NSUN2: variants seen among roughly 807,000 people sequenced by gnomAD.
NSUN2 encodes NOP2/Sun RNA methyltransferase 2, also known as RNA cytosine C(5)-methyltransferase NSUN2.
In NSUN2, 63 loss-of-function variants were observed where a neutral mutation model predicts 92.7. That is an observed-to-expected ratio of 0.68 (90% CI 0.56 to 0.84). The LOEUF (loss-of-function observed/expected upper bound fraction) is 0.84, where lower values mean the gene tolerates loss of function less well. Among genes scored for constraint, NSUN2 ranks in the 40% least tolerant of loss-of-function variants. The pLI is 0.00. For synonymous variants in NSUN2, 356 were observed against 348.3 expected, an observed-to-expected ratio of 1.02 and a Z score of -0.25; for missense variants, 989 against 964.9, an observed-to-expected ratio of 1.02 and a Z score of -0.33.
At chr5:6,622,676 C>T (rs113247673) in intron 5 of NSUN2, among the ~76,000 whole-genome samples, 16,107 of 151,944 alleles carry the variant, frequency 0.11, 1,166 homozygotes, top group African/African-American at 0.2. Flanking sequence ...GGAGAAACCC[C>T]GTCTCTACTA....
intron 5 of NSUN2, 69 bp from the exon 6 acceptor site, chr5:6,622,169 A>T: frequency 7.9e-7 from 1 of 1,271,672 alleles, no homozygotes; most frequent in Non-Finnish European, 1.1e-6. Context: ...ATTTAAAGCA[A>T]TTCTAGTTTT....
chr5:6,609,743 G>A, intron 12 of NSUN2, 83 bp downstream of exon 12: 2 of 1,068,904 alleles, frequency 1.9e-6, no homozygotes, highest in Non-Finnish European at 1.4e-6. Context: ...TCTTTCCTCT[G>A]TACTTCTACT....
In NSUN2 at chr5:6,632,865, G is replaced by A. The variant is rs771009126; in HGVS notation, c.96+19C>T. ...CCCAGGAGGAGCCCCTGGCCCGCCC[G>A]CCGGGTCCCGGCTCCTACCGCCTCG... is the stretch of plus-strand genomic sequence containing the variant. On this transcript the variant is annotated intron_variant, in intron 1 of 18. Coordinates refer to ENST00000264670, the MANE Select transcript of NSUN2 (RefSeq NM_017755.6). 35 of 1,535,656 alleles carry A rather than the reference G, an allele frequency of 2.3e-5. No homozygotes were observed. Among genetic ancestry groups the A allele is most frequent in the Admixed American group, 5.9e-5 (3 of 50,688 alleles).
chr5:6,607,441 C>A (rs998867849), intron 12 of NSUN2, 57 bp from the exon 13 acceptor site: 13 of 1,460,008 alleles, frequency 8.9e-6, no homozygotes, highest in South Asian at 4.1e-5. Context: ...TGTGCTGCTA[C>A]GAAAAGTTAA....
At chr5:6,610,367 T>C (rs1252071187) in intron 11 of NSUN2, among the ~76,000 whole-genome samples, 66 of 150,676 alleles carry the variant, frequency 4.4e-4, no homozygotes, top group Non-Finnish European at 3.0e-5. Context: ...ATTGGGCCAC[T>C]GCACCTGGCC....
intron 11 of NSUN2, 124 bp from the exon 12 acceptor site, chr5:6,610,046 G>T (rs956846666): frequency 3.5e-5 from 22 of 624,086 alleles, no homozygotes; most frequent in Non-Finnish European, 5.2e-5. Context: ...CTCATAGAAT[G>T]GCCAATATGT....
At chr5:6,616,922 C>A in intron 8 of NSUN2, 65 bp from the exon 9 acceptor site, 1 of 1,417,676 alleles carries the variant, frequency 7.1e-7, no homozygotes, top group Non-Finnish European at 9.6e-7. Flanking sequence ...ATTAGAAGCA[C>A]CTCCTTATGT....
intron 7 of NSUN2, 87 bp downstream of exon 7, chr5:6,620,019 G>T: frequency 8.6e-7 from 1 of 1,159,578 alleles, no homozygotes; most frequent in Non-Finnish European, 1.2e-6. Context: ...GTACAATTGT[G>T]TCATATTCAT....
chr5:6,603,621 C>T (rs535786409), intron 17 of NSUN2, among the ~76,000 whole-genome samples: 3 of 152,236 alleles, frequency 2.0e-5, no homozygotes, highest in Non-Finnish European at 2.9e-5. Flanking sequence ...ACCTGGGAGG[C>T]GGAGCTTGCA....
chr5:6,606,266 T>C (rs1736765282), intron 14 of NSUN2, among the ~76,000 whole-genome samples: 1 of 152,158 alleles, frequency 6.6e-6, no homozygotes. Flanking sequence ...CTAATTTAGA[T>C]TCATAATCAC....
chr5:6,611,748 T>A lies in NSUN2; in HGVS notation c.1072A>T (p.Met358Leu), dbSNP rs763566536. Reference protein sequence around the residue: ...VSNELPGLKWMPGITQWKVMT... With the variant: ...VSNELPGLKWLPGITQWKVMT... ...ACCTTCCACTGTGTGATTCCAGGCA[T>A]CCACTTCAGCCCTGGCAGTTCATTA... Residue 358 changes from methionine (M) to leucine (L), a missense_variant, in exon 10 of 19, where the codon ATG becomes TTG. By Grantham distance (15) the Met-to-Leu change is conservative. Transcript: ENST00000264670. 6 of 1,614,146 alleles carry A rather than the reference T, an allele frequency of 3.7e-6. No homozygotes were observed. Among genetic ancestry groups the A allele is most frequent in the Non-Finnish European group, 5.1e-6 (6 of 1,180,006 alleles).
chr5:6,600,269 A>G (rs769497575), intron 18 of NSUN2, 37 bp from the exon 19 acceptor site: 44 of 1,570,836 alleles, frequency 2.8e-5, no homozygotes, highest in Non-Finnish European at 3.5e-5. Context: ...AACATTAAAC[A>G]TTCCCATAAC....
Position 6,607,296 on chromosome 5 carries a change from A to G in NSUN2, c.1412T>C (p.Leu471Pro), listed in dbSNP as rs749271173. 1.1e-5 allele frequency: 17 copies of G among 1,614,210 alleles called. No homozygotes were observed. The South Asian group carries it at 1.6e-4, about 16-fold the overall frequency. The change falls in exon 13 of 19, where the codon CTG (leucine) becomes CCG (proline). Residue 471 changes from leucine (L) to proline (P), a missense_variant. Around this residue, in one of 3 missense-constraint regions of NSUN2, gnomAD observed 626 missense variants for 602.3 expected, o/e 1.04. Transcript: ENST00000264670. The stretch of plus-strand genomic sequence containing the variant: ...AGTTCCTGTGAATGACGGACTTTCC[A>G]GCTTAGAGGGATCTGTGGGTTTCCC... ...TEGKPTDPSKLESPSFTGTGD... is the reference protein window; with the variant it reads ...TEGKPTDPSKPESPSFTGTGD...
At chr5:6,603,246 T>C (rs1736627332) in intron 17 of NSUN2, among the ~76,000 whole-genome samples, 1 of 152,180 alleles carries the variant, frequency 6.6e-6, no homozygotes, top group Non-Finnish European at 1.5e-5. Context: ...GAAGTGGAAG[T>C]TGATGAAATA....
At chr5:6,611,672 T>C in intron 10 of NSUN2, 53 bp downstream of exon 10, 1 of 1,474,530 alleles carries the variant, frequency 6.8e-7, no homozygotes. Context: ...TTGACTCTAC[T>C]TCAGTGATGC....
intron 10 of NSUN2, 127 bp from the exon 11 acceptor site, chr5:6,611,212 G>T: frequency 9.7e-7 from 1 of 1,026,596 alleles, no homozygotes; most frequent in Non-Finnish European, 1.4e-6. Flanking sequence ...AAGATAGGAA[G>T]ATTATTTGCC....
At chr5:6,607,461 G>T (rs1243517600) in intron 12 of NSUN2, 77 bp from the exon 13 acceptor site, 2 of 1,231,510 alleles carry the variant, frequency 1.6e-6, no homozygotes, top group Non-Finnish European at 2.3e-6. Context: ...AAAATACCAC[G>T]TTCACAAAAT....
In NSUN2 at chr5:6,621,768, C is replaced by T. The variant is rs1053835333; in HGVS notation, c.622+248G>A. ...ATCTCAAAAAAAAAAAAAAGAAATG[C>T]CATTCGTTTTTATAGAAAACACACA... On this transcript the variant is annotated intron_variant, in intron 6 of 18. Transcript: ENST00000264670. 1.8e-5 allele frequency: 7 copies of T among 384,494 alleles called. No individual in the cohort carries two copies. In the Admixed American group the frequency reaches 2.2e-4, roughly 12 times the overall value. 23.8% of individuals were successfully genotyped at this position (384,494 alleles called of 1,614,324 possible). A position where few individuals can be genotyped will look rare whatever the true frequency, so the allele number is the denominator to read the frequency against.
rs1216141196 is a variant in NSUN2 at position 6,616,046 on chromosome 5, G to A, written c.1021+681C>T. On this transcript the variant is annotated intron_variant, in intron 9 of 18. Transcript: ENST00000264670. The stretch of plus-strand genomic sequence containing the variant: ...TTGGAACCCTTGTGCACTGGGGGTA[G>A]AAATACAAAATGACGCAGCCACTGT... 2.6e-5 allele frequency among the ~76,000 whole-genome samples: 4 copies of A among 152,160 alleles called. No individual in the cohort carries two copies. The East Asian group carries it at 7.7e-4, about 29-fold the overall frequency.
Sources: gnomAD v4.1 joint callset for allele counts (sites outside exome capture counted in the v4.1 genomes callset) on GRCh38, gnomAD v4.1.1 for gene constraint, gnomAD v4.1.1 regional missense constraint, MANE v1.5 for transcripts, NCBI Gene and HGNC (gene_info 2026-07-23, HGNC 2026-07-21) for gene names.